Variants in SMG1 observed in about 807,000 individuals in gnomAD.
SMG1 encodes serine/threonine-protein kinase SMG1.
In SMG1, 22 loss-of-function variants were observed where a neutral mutation model predicts 419.9. That is an observed-to-expected ratio of 0.05 (90% CI 0.04 to 0.07). SMG1 has a LOEUF of 0.07. Ranked by LOEUF, SMG1 falls within the 10% of genes least tolerant of loss-of-function variation. SMG1 has a pLI of 1.00. For missense variants in SMG1, 3,185 were observed against 4,342.0 expected (o/e 0.73, Z 7.49); for synonymous variants, 1,538 against 1,553.5 (o/e 0.99, Z 0.23).
At chr16:18,913,405 G>T (rs1353477128) in intron 1 of SMG1, among the ~76,000 whole-genome samples, 4 of 151,880 alleles carry the variant, frequency 2.6e-5, no homozygotes, top group Admixed American at 6.6e-5. Context: ...TTAACATCAG[G>T]TTGAAATGCT....
intron 1 of SMG1, among the ~76,000 whole-genome samples, chr16:18,907,929 G>A (rs1375892186): frequency 2.0e-5 from 3 of 150,520 alleles, no homozygotes; most frequent in African/African-American, 7.3e-5. Flanking sequence ...AGTAAGTCCT[G>A]GAAGTACCCT....
intron 1 of SMG1, among the ~76,000 whole-genome samples, chr16:18,918,270 A>C (rs1189159428): frequency 6.6e-6 from 1 of 151,974 alleles, no homozygotes; most frequent in Non-Finnish European, 1.5e-5. Context: ...GTCTCCAAAA[A>C]CAAACAAACA....
intron 62 of SMG1, 68 bp downstream of exon 62, chr16:18,811,693 G>A: frequency 7.8e-7 from 1 of 1,275,706 alleles, no homozygotes; most frequent in Non-Finnish European, 1.1e-6. Context: ...TCGATGAGAG[G>A]GATCTTTATA....
rs753828342 is a variant in SMG1 at position 18,836,373 on chromosome 16, T to C, written c.7764A>G (p.Thr2588=). The C allele has an allele frequency of 6.2e-7, 1 of 1,613,838 alleles. No homozygotes were observed. The highest frequency in any genetic ancestry group is 1.3e-5 in the African/African-American group (1 of 75,046). ...QLASLLQEIS[T]QMDLGPPSYV... ...GTCAACCCATACCAAGGTCCATTTG[T>C]GTGCTTATCTCTTGAAGCAAGCTTG... The change falls in exon 47 of 63, where the codon ACA becomes ACG. Residue 2588 remains threonine, a synonymous_variant. Transcript: ENST00000446231.
intron 1 of SMG1, among the ~76,000 whole-genome samples, chr16:18,913,224 A>AT (rs1376412418): frequency 6.6e-6 from 1 of 152,166 alleles, no homozygotes; most frequent in African/African-American, 2.4e-5. Flanking sequence ...GGGCCTGGAA[A>AT]TTAAGTGTTA....
chr16:18,839,415 C>T (rs967464964), intron 42 of SMG1, among the ~76,000 whole-genome samples: 2 of 152,152 alleles, frequency 1.3e-5, no homozygotes, highest in Admixed American at 1.3e-4. Context: ...CAATGTTTAG[C>T]TCCCACTTAT....
Position 18,877,119 on chromosome 16 carries a change from T to C in SMG1, c.1620+12A>G. 1 of 1,531,314 alleles carries C rather than the reference T, an allele frequency of 6.5e-7. No homozygotes were observed. Among genetic ancestry groups the C allele is most frequent in the Non-Finnish European group, 8.8e-7 (1 of 1,136,964 alleles). The allele number at this position is 1,531,314 out of a possible 1,614,324, so 94.9% of individuals were successfully genotyped here. A position where few individuals can be genotyped will look rare whatever the true frequency, so the allele number is the denominator to read the frequency against. ...TCAAGTTGTCAAAATTCATTATCAA[T>C]GTATTACTTACCTCTTTTTCTTTAT... is the stretch of plus-strand genomic sequence containing the variant. On this transcript the variant is annotated intron_variant, in intron 12 of 62. Coordinates refer to ENST00000446231, the MANE Select transcript of SMG1 (RefSeq NM_015092.5).
Position 18,804,951 on chromosome 16 carries a change from T to C in SMG1, c.*4618A>G, listed in dbSNP as rs892779153. ...CAAATATGCACAAAGTAGGCATGTA[T>C]TTGTTTTCCAAAAGATGCATTATGA... On this transcript the variant is annotated 3_prime_UTR_variant, in exon 63 of 63. Coordinates refer to ENST00000446231, the MANE Select transcript of SMG1 (RefSeq NM_015092.5). 6.5e-6 allele frequency: 1 copy of C among 152,708 alleles called. No homozygotes were observed. The highest frequency in any genetic ancestry group is 1.5e-5 in the Non-Finnish European group (1 of 68,048). The allele number at this position is 152,708 out of a possible 1,614,324, so 9.5% of individuals were successfully genotyped here. A position where few individuals can be genotyped will look rare whatever the true frequency, so the allele number is the denominator to read the frequency against.
At chr16:18,922,551 G>A (rs1037350733) in intron 1 of SMG1, among the ~76,000 whole-genome samples, 7 of 152,122 alleles carry the variant, frequency 4.6e-5, no homozygotes, top group Non-Finnish European at 1.0e-4. Context: ...GACAACCTCC[G>A]CCTCTCAGGT....
intron 25 of SMG1, among the ~76,000 whole-genome samples, chr16:18,862,581 T>G (rs1383347969): frequency 2.0e-5 from 3 of 152,180 alleles, no homozygotes; most frequent in Admixed American, 2.0e-4. Context: ...CTACTCCAGT[T>G]AATAGCATTG....
In SMG1 at chr16:18,876,214, A is replaced by G; in HGVS notation, c.1800T>C (p.His600=). Reference sequence around the variant, plus strand: ...ATTTTGCATTGTCTACATTGAACACATGATTCTTAAAAGCCTCATGTTTTA... The same window carrying G: ...ATTTTGCATTGTCTACATTGAACACGTGATTCTTAAAAGCCTCATGTTTTA... ...SEIKHEAFKN[H]VFNVDNAKFV... The change falls in exon 13 of 63, where the codon CAT becomes CAC. Residue 600 remains histidine (H), a synonymous_variant. Coordinates refer to ENST00000446231, the MANE Select transcript of SMG1 (RefSeq NM_015092.5). 1 of 1,611,826 alleles carries G rather than the reference A, an allele frequency of 6.2e-7. No homozygotes were observed. Among genetic ancestry groups the G allele is most frequent in the East Asian group, 2.2e-5 (1 of 44,864 alleles).
At chr16:18,899,974 C>T (rs1418942944) in intron 1 of SMG1, 10 of 1,492,008 alleles carry the variant, frequency 6.7e-6, no homozygotes, top group African/African-American at 1.4e-5. Context: ...AGGTAAGTTT[C>T]TAAAGCTCAT....
At position 18,849,960 on chromosome 16, in the gene SMG1, G is replaced by A; in HGVS notation, c.5450C>T (p.Ala1817Val). The part of the protein sequence containing the change: ...LEHGLETTPT[A>V]PWRGIIPQLF... Reference sequence around the variant, plus strand: ...TATGCAGGTCTCACCTCTCCATGGTGCAGTGGGTGTTGTCTCCAAGCCGTG... The same window carrying A: ...TATGCAGGTCTCACCTCTCCATGGTACAGTGGGTGTTGTCTCCAAGCCGTG... Residue 1817 changes from alanine (A) to valine (V), a missense_variant, in exon 35 of 63, where the codon GCA (alanine) becomes GTA (valine). Physicochemically the swap from Ala to Val is moderately conservative, Grantham distance 64. Around this residue, in one of 27 missense-constraint regions of SMG1, gnomAD observed 493 missense variants for 552.9 expected, o/e 0.89. Transcript: ENST00000446231. 1.2e-6 allele frequency: 2 copies of A among 1,613,902 alleles called. No individual in the cohort carries two copies. The highest frequency in any genetic ancestry group is 1.7e-6 in the Non-Finnish European group (2 of 1,179,838).
chr16:18,857,346 T>G (rs1331767373), intron 29 of SMG1: 3 of 152,244 alleles, frequency 2.0e-5, no homozygotes, highest in African/African-American at 7.2e-5. Flanking sequence ...ATAGTAATTC[T>G]CTAGCCATTC....
chr16:18,816,820 A>G (rs1455600631), intron 57 of SMG1, among the ~76,000 whole-genome samples: 2 of 152,198 alleles, frequency 1.3e-5, no homozygotes, highest in African/African-American at 4.8e-5. Flanking sequence ...CCAGGTCCCT[A>G]AATTCTAAAT....
rs1026532640 is a variant in SMG1 at position 18,869,718 on chromosome 16, A to G, written c.2633+136T>C. On this transcript the variant is annotated intron_variant, in intron 19 of 62. Transcript: ENST00000446231. Reference sequence around the variant, plus strand: ...AGCAATTTTCCTATTGATGAAAACTAAAATAACCCATATGAGAAGAATGTT... The same window carrying G: ...AGCAATTTTCCTATTGATGAAAACTGAAATAACCCATATGAGAAGAATGTT... 13 of 757,006 alleles carry G rather than the reference A, an allele frequency of 1.7e-5. No individual in the cohort carries two copies. The Admixed American group carries it at 1.9e-4, about 11-fold the overall frequency. 46.9% of individuals were successfully genotyped at this position (757,006 alleles called of 1,614,324 possible).
rs2037150703 is a variant in SMG1, at chr16:18,896,849, G to A, written c.200C>T (p.Ser67Phe). ...TCTGGTATCATCGTGCCTTTGCCGA[G>A]ACACCACAGCTGAATTTGAAGGTTG... The part of the protein sequence containing the change: ...GLQPSNSAVV[S>F]RQRHDDTRVH... The change falls in exon 2 of 63, where the codon TCT becomes TTT. Residue 67 changes from serine (S) to phenylalanine (F), a missense_variant. Coordinates refer to ENST00000446231, the MANE Select transcript of SMG1 (RefSeq NM_015092.5). 1.2e-6 allele frequency: 2 copies of A among 1,609,394 alleles called. No homozygotes were observed. The highest frequency in any genetic ancestry group is 2.2e-5 in the South Asian group (2 of 90,690).
At chr16:18,843,903 C>CT (rs990159722) in intron 39 of SMG1, among the ~76,000 whole-genome samples, 8 of 151,816 alleles carry the variant, frequency 5.3e-5, no homozygotes, top group South Asian at 2.1e-4. Flanking sequence ...TAGGTAATTC[C>CT]TTTTTTTTGA....
chr16:18,891,743 T>C (rs1183662113), intron 4 of SMG1, among the ~76,000 whole-genome samples: 1 of 152,200 alleles, frequency 6.6e-6, no homozygotes, highest in African/African-American at 2.4e-5. Flanking sequence ...CCATATCAAG[T>C]TCTTAATTGG....
Sources: gnomAD v4.1 joint callset for allele counts (sites outside exome capture counted in the v4.1 genomes callset) on GRCh38, gnomAD v4.1.1 for gene constraint, gnomAD v4.1.1 regional missense constraint, MANE v1.5 for transcripts, NCBI Gene and HGNC (gene_info 2026-07-23, HGNC 2026-07-21) for gene names.